Variants in STK32A observed in about 807,000 individuals in gnomAD.
STK32A encodes the protein serine/threonine-protein kinase 32A.
In STK32A, 41 loss-of-function variants were observed where a neutral mutation model predicts 53.2. That is an observed-to-expected ratio of 0.77 (90% CI 0.60 to 1.00). STK32A has a LOEUF of 1.00. Among genes scored for constraint, STK32A ranks in the 50% least tolerant of loss-of-function variants. STK32A has a pLI of 0.00. For missense variants in STK32A, 458 were observed against 485.8 expected, an observed-to-expected ratio of 0.94 and a Z score of 0.54; for synonymous variants, 166 against 162.8, an observed-to-expected ratio of 1.02 and a Z score of -0.15.
intron 1 of STK32A, among the ~76,000 whole-genome samples, chr5:147,238,935 G>C (rs1490196292): frequency 2.6e-5 from 4 of 152,020 alleles, no homozygotes; most frequent in Non-Finnish European, 5.9e-5. Flanking sequence ...TTATATATGT[G>C]TGTATTATAC....
chr5:147,235,749 A>G (rs1303562070), intron 1 of STK32A, among the ~76,000 whole-genome samples: 2 of 152,228 alleles, frequency 1.3e-5, no homozygotes, highest in Non-Finnish European at 2.9e-5. Flanking sequence ...TTGTAAAATC[A>G]TAGAAGGGGG....
intron 4 of STK32A, among the ~76,000 whole-genome samples, chr5:147,282,916 G>A (rs1401345163): frequency 6.6e-6 from 1 of 152,102 alleles, no homozygotes; most frequent in Non-Finnish European, 1.5e-5. Flanking sequence ...AGAAACAATG[G>A]ATTTAAACTA....
intron 5 of STK32A, among the ~76,000 whole-genome samples, chr5:147,339,002 T>C (rs746025955): frequency 2.0e-4 from 30 of 152,232 alleles, no homozygotes; most frequent in Non-Finnish European, 7.3e-5. Flanking sequence ...AAAAACCTAT[T>C]TTCTGAGGAG....
At chr5:147,382,359 C>T (rs1318757521) in intron 11 of STK32A, among the ~76,000 whole-genome samples, 1 of 151,788 alleles carries the variant, frequency 6.6e-6, no homozygotes, top group African/African-American at 2.4e-5. Flanking sequence ...CTATATCTTC[C>T]TTTAGCTCTT....
chr5:147,308,601 C>CT (rs879624752), intron 4 of STK32A, among the ~76,000 whole-genome samples: 119 of 152,230 alleles, frequency 7.8e-4, no homozygotes, highest in Non-Finnish European at 1.2e-3. Flanking sequence ...ATCTTTGTCT[C>CT]TTTTTCCCGA....
intron 2 of STK32A, among the ~76,000 whole-genome samples, chr5:147,266,886 G>A (rs1040029330): frequency 2.0e-5 from 3 of 152,068 alleles, no homozygotes; most frequent in Non-Finnish European, 4.4e-5. Flanking sequence ...AGCCAGGCAT[G>A]GTGGTGCGTG....
intron 2 of STK32A, 129 bp from the exon 3 acceptor site, chr5:147,277,995 T>C: frequency 1.4e-6 from 1 of 728,096 alleles, no homozygotes; most frequent in South Asian, 1.8e-5. Flanking sequence ...ATGATTAGAT[T>C]GGCATTTTAA....
intron 5 of STK32A, among the ~76,000 whole-genome samples, chr5:147,339,181 G>T (rs1425182810): frequency 6.6e-6 from 1 of 152,130 alleles, no homozygotes; most frequent in Admixed American, 6.5e-5. Context: ...GGGCCTTGCT[G>T]CTTTCGTAGT....
intron 2 of STK32A, among the ~76,000 whole-genome samples, chr5:147,249,729 A>G (rs987851538): frequency 1.3e-5 from 2 of 151,914 alleles, no homozygotes; most frequent in Non-Finnish European, 2.9e-5. Flanking sequence ...CCTGGCCAAC[A>G]TGGTGAAACC....
In STK32A at chr5:147,384,306, G is replaced by T; in HGVS notation, c.*323G>T. The T allele has an allele frequency of 2.1e-6, 3 of 1,398,912 alleles. No homozygotes were observed. Among genetic ancestry groups the T allele is most frequent in the Non-Finnish European group, 2.8e-6 (3 of 1,055,586 alleles). 86.7% of individuals were successfully genotyped at this position (1,398,912 alleles called of 1,614,324 possible). A position where few individuals can be genotyped will look rare whatever the true frequency, so the allele number is the denominator to read the frequency against. On this transcript the variant is annotated 3_prime_UTR_variant, in exon 13 of 13. Transcript: ENST00000397936. ...AGTGCTATAGTTGTTATTCTAAACCGCCTTTATTTTTATTTTAAAATTAAT... is the reference window on the plus strand; with the variant it reads ...AGTGCTATAGTTGTTATTCTAAACCTCCTTTATTTTTATTTTAAAATTAAT...
At position 147,293,499 on chromosome 5, in the gene STK32A, AAAAAAG is replaced by A. The variant is rs1197921072; in HGVS notation, c.260+14102_260+14107del. Among the ~76,000 whole-genome samples the A allele has an allele frequency of 5.7e-5, 8 of 140,978 alleles. No individual in the cohort carries two copies. In the East Asian group the frequency reaches 1.3e-3, roughly 23 times the overall value. The allele number at this position is 140,978 out of a possible 152,430, so 92.5% of individuals were successfully genotyped here. A position where few individuals can be genotyped will look rare whatever the true frequency, so the allele number is the denominator to read the frequency against. Reference sequence around the variant, plus strand: ...CGAGGTAAAAAAAAAAAAAAAAAAAAAAAAAGGACTAAATTTTAATTTGAAATATGA... The same window carrying A: ...CGAGGTAAAAAAAAAAAAAAAAAAAAGACTAAATTTTAATTTGAAATATGA... On this transcript the variant is annotated intron_variant, in intron 4 of 12. Coordinates refer to ENST00000397936, the MANE Select transcript of STK32A (RefSeq NM_001112724.2).
intron 4 of STK32A, among the ~76,000 whole-genome samples, chr5:147,312,790 T>C (rs1487851636): frequency 3.9e-5 from 6 of 152,320 alleles, no homozygotes; most frequent in African/African-American, 9.6e-5. Context: ...TTCAAAATGA[T>C]ATGCACCCTA....
chr5:147,326,388 G>T (rs192319549), intron 5 of STK32A, among the ~76,000 whole-genome samples: 1 of 152,216 alleles, frequency 6.6e-6, no homozygotes. Flanking sequence ...GTTAAATTGA[G>T]GTGACATCCT....
rs570923208 is a variant in STK32A, at chr5:147,313,026, A to C, written c.261-10872A>C. Reference sequence around the variant, plus strand: ...GAGGCTAAGGTAGGAAGGCTGCTTGAGGCCAGCCTGGGCAACATAGTGAGA... The same window carrying C: ...GAGGCTAAGGTAGGAAGGCTGCTTGCGGCCAGCCTGGGCAACATAGTGAGA... On this transcript the variant is annotated intron_variant, in intron 4 of 12. Transcript: ENST00000397936. Among the ~76,000 whole-genome samples, 3 of 144,568 alleles carry C rather than the reference A, an allele frequency of 2.1e-5. No individual in the cohort carries two copies. The South Asian group carries it at 6.7e-4, about 32-fold the overall frequency. The allele number at this position is 144,568 out of a possible 152,430, so 94.8% of individuals were successfully genotyped here.
chr5:147,308,136 TTTTATA>T (rs1007303421), intron 4 of STK32A, among the ~76,000 whole-genome samples: 3 of 53,192 alleles, frequency 5.6e-5, no homozygotes, highest in Admixed American at 1.7e-4. Context: ...AATTCATACA[TTTTATA>T]TATATATATA....
chr5:147,363,618 G>A (rs1409558804), intron 8 of STK32A, among the ~76,000 whole-genome samples: 3 of 152,128 alleles, frequency 2.0e-5, no homozygotes, highest in East Asian at 1.9e-4. Context: ...ATAGCATTAC[G>A]GTCCCAGCCT....
intron 4 of STK32A, among the ~76,000 whole-genome samples, chr5:147,296,491 TG>T (rs1296309223): frequency 1.3e-5 from 2 of 152,110 alleles, no homozygotes; most frequent in Non-Finnish European, 2.9e-5. Flanking sequence ...GTGTGTTTAC[TG>T]AAGTTATGTG....
intron 4 of STK32A, among the ~76,000 whole-genome samples, chr5:147,294,728 G>A (rs1752785989): frequency 6.6e-6 from 1 of 150,974 alleles, no homozygotes; most frequent in Non-Finnish European, 1.5e-5. Flanking sequence ...CTGTCGCACA[G>A]ACTGGAGTGC....
At chr5:147,333,824 A>G (rs1044566097) in intron 5 of STK32A, among the ~76,000 whole-genome samples, 11 of 152,210 alleles carry the variant, frequency 7.2e-5, no homozygotes, top group African/African-American at 1.9e-4. Context: ...AGAAAGAACA[A>G]TAATCTTACT....
Sources: allele counts gnomAD v4.1 joint callset (sites outside exome capture counted in the v4.1 genomes callset), GRCh38; gene constraint gnomAD v4.1.1; transcripts MANE v1.5; gene names NCBI Gene and HGNC (gene_info 2026-07-23, HGNC 2026-07-21).